Variants in KCNQ4 observed in about 807,000 individuals in gnomAD.
The protein encoded by KCNQ4 is potassium voltage-gated channel subfamily KQT member 4.
Under a neutral mutation model 72.6 loss-of-function variants are expected in KCNQ4, and 31 were observed. The observed-to-expected ratio is 0.43, with a 90% CI of 0.32 to 0.58. The LOEUF is 0.58. Ranked by LOEUF, KCNQ4 falls within the 20% of genes least tolerant of loss-of-function variation. The pLI is 0.08. For synonymous variants in KCNQ4, 405 were observed against 403.7 expected, an observed-to-expected ratio of 1.00 and a Z score of -0.04; for missense variants, 869 against 962.6, an observed-to-expected ratio of 0.90 and a Z score of 1.29.
intron 10 of KCNQ4, among the ~76,000 whole-genome samples, chr1:40,832,512 G>T (rs1051286427): frequency 6.6e-6 from 1 of 152,236 alleles, no homozygotes; most frequent in South Asian, 2.1e-4. Context: ...TAGCCTCAGA[G>T]AAGCTTCTCT....
At chr1:40,814,200 C>A (rs1185441420) in intron 1 of KCNQ4, among the ~76,000 whole-genome samples, 3 of 151,602 alleles carry the variant, frequency 2.0e-5, no homozygotes, top group Non-Finnish European at 4.4e-5. Context: ...ATTACAGGCG[C>A]CTACCAACAC....
Position 40,835,101 on chromosome 1 carries a change from G to T in KCNQ4, c.1745+3G>T. On this transcript the variant is annotated splice_donor_region_variant and intron_variant, in intron 12 of 13. Coordinates refer to ENST00000347132, the MANE Select transcript of KCNQ4 (RefSeq NM_004700.4). ...CGGATCAAGAGCCTGCAAACTCGGTGGGTGCACCGGGCCTGTTGGGAGGCA... is the reference window on the plus strand; with the variant it reads ...CGGATCAAGAGCCTGCAAACTCGGTTGGTGCACCGGGCCTGTTGGGAGGCA... 6.2e-7 allele frequency: 1 copy of T among 1,612,886 alleles called. No individual in the cohort carries two copies. Among genetic ancestry groups the T allele is most frequent in the Non-Finnish European group, 8.5e-7 (1 of 1,179,158 alleles).
Position 40,784,536 on chromosome 1 carries a change from A to G in KCNQ4, c.314+129A>G. The stretch of plus-strand genomic sequence containing the variant: ...GGCCGACCCTCATCTCTCTCCCCCC[A>G]GGCCTAAGCCCGGTTTCTGATCCCC... On this transcript the variant is annotated intron_variant, in intron 1 of 13. Coordinates refer to ENST00000347132, the MANE Select transcript of KCNQ4 (RefSeq NM_004700.4). This position sits in a 1 kb window ranked among gnomAD's most constrained non-coding sequence, Gnocchi z 4.1. The G allele has an allele frequency of 1.1e-6, 1 of 871,382 alleles. No individual in the cohort carries two copies. Among genetic ancestry groups the G allele is most frequent in the Non-Finnish European group, 1.9e-6 (1 of 538,940 alleles). The allele number at this position is 871,382 out of a possible 1,614,324, so 54.0% of individuals were successfully genotyped here. A position where few individuals can be genotyped will look rare whatever the true frequency, so the allele number is the denominator to read the frequency against.
At chr1:40,815,680 A>T (rs74071711) in intron 1 of KCNQ4, among the ~76,000 whole-genome samples, 1,976 of 152,122 alleles carry the variant, frequency 0.013, 41 homozygotes, top group African/African-American at 0.045. Context: ...ACCTTCTCAA[A>T]CCAGGGGTAT....
At chr1:40,835,701 G>A (rs565268580) in intron 12 of KCNQ4, among the ~76,000 whole-genome samples, 1 of 152,314 alleles carries the variant, frequency 6.6e-6, no homozygotes, top group African/African-American at 2.4e-5. Flanking sequence ...TCATTCTAGT[G>A]GAAGGAGAAT....
In KCNQ4 at chr1:40,799,442, T is replaced by C. The variant is rs200629096; in HGVS notation, c.314+15035T>C. ...AAATGTGTGGGCCATGCCCCCCCCC[T>C]CGCTAGGCAGTAAACACTGCCGTCG... is the stretch of plus-strand genomic sequence containing the variant. On this transcript the variant is annotated intron_variant, in intron 1 of 13. Transcript: ENST00000347132. Among the ~76,000 whole-genome samples, 36 of 132,042 alleles carry C rather than the reference T, an allele frequency of 2.7e-4. 1 individual carries two copies. Among genetic ancestry groups the C allele is most frequent in the African/African-American group, 1.1e-3 (36 of 33,308 alleles). The allele number at this position is 132,042 out of a possible 152,430, so 86.6% of individuals were successfully genotyped here. A position where few individuals can be genotyped will look rare whatever the true frequency, so the allele number is the denominator to read the frequency against.
At chr1:40,804,458 AC>A (rs1377015989) in intron 1 of KCNQ4, among the ~76,000 whole-genome samples, 1 of 152,072 alleles carries the variant, frequency 6.6e-6, no homozygotes, top group Non-Finnish European at 1.5e-5. Context: ...TCTCTAAGGG[AC>A]CTTTCAGTGC....
chr1:40,802,518 C>G (rs1647613100), intron 1 of KCNQ4, among the ~76,000 whole-genome samples: 1 of 152,102 alleles, frequency 6.6e-6, no homozygotes. Context: ...GAGCCCCGCC[C>G]ACCATTCCCC....
intron 1 of KCNQ4, among the ~76,000 whole-genome samples, chr1:40,793,768 C>T (rs561770117): frequency 1.3e-5 from 2 of 152,324 alleles, no homozygotes; most frequent in African/African-American, 4.8e-5. Flanking sequence ...CTCCCCTCTT[C>T]TGCCCACTGC....
intron 7 of KCNQ4, among the ~76,000 whole-genome samples, chr1:40,821,968 T>A (rs1194607908): frequency 6.6e-6 from 1 of 152,150 alleles, no homozygotes; most frequent in Non-Finnish European, 1.5e-5. Flanking sequence ...GTTTTACAGG[T>A]GAAGAAACTG....
Position 40,817,556 on chromosome 1 carries a change from G to A in KCNQ4, c.405+201G>A, listed in dbSNP as rs1648138360. Among the ~76,000 whole-genome samples the A allele has an allele frequency of 6.6e-6, 1 of 151,884 alleles. No homozygotes were observed. Among genetic ancestry groups the A allele is most frequent in the Non-Finnish European group, 1.5e-5 (1 of 67,988 alleles). On this transcript the variant is annotated intron_variant, in intron 2 of 13. Transcript: ENST00000347132. The surrounding 1 kb of genome is among the most constrained non-coding windows in gnomAD (Gnocchi z 5.5). ...TGTGAGGTGGCACCTCTGGGCTGAG[G>A]GCTGAAGGTGGAAAGAGGCTTCTCA...
intron 9 of KCNQ4, among the ~76,000 whole-genome samples, chr1:40,829,113 C>G (rs569084602): frequency 6.6e-6 from 1 of 152,374 alleles, no homozygotes; most frequent in African/African-American, 2.4e-5. Context: ...GCCATTGGAG[C>G]CTTATGTGGT....
chr1:40,799,248 G>A (rs1647504494), intron 1 of KCNQ4, among the ~76,000 whole-genome samples: 1 of 152,254 alleles, frequency 6.6e-6, no homozygotes, highest in African/African-American at 2.4e-5. Flanking sequence ...TGATGGAGGT[G>A]CAGTGCTACA....
chr1:40,808,933 T>C (rs890431041), intron 1 of KCNQ4, among the ~76,000 whole-genome samples: 3 of 152,212 alleles, frequency 2.0e-5, no homozygotes, highest in African/African-American at 7.2e-5. Flanking sequence ...CTACACTTAC[T>C]GTCTCTACCT....
intron 1 of KCNQ4, among the ~76,000 whole-genome samples, chr1:40,805,635 GA>G (rs10713781): frequency 0.39 from 58,845 of 151,540 alleles, 11,432 homozygotes; most frequent in Middle Eastern, 0.41. Flanking sequence ...TAAAGGTGGG[GA>G]GGGGAAAAGA....
chr1:40,797,840 G>C (rs555132533), intron 1 of KCNQ4, among the ~76,000 whole-genome samples: 1 of 152,164 alleles, frequency 6.6e-6, no homozygotes, highest in African/African-American at 2.4e-5. Context: ...GGCTTGGGGG[G>C]AGATGTGTGT....
intron 1 of KCNQ4, among the ~76,000 whole-genome samples, chr1:40,800,778 A>T (rs1265222669): frequency 6.6e-6 from 1 of 151,800 alleles, no homozygotes; most frequent in Non-Finnish European, 1.5e-5. Flanking sequence ...GGGTAGGAAC[A>T]CTCTCCCTCT....
chr1:40,812,323 C>T (rs1428442018), intron 1 of KCNQ4, among the ~76,000 whole-genome samples: 1 of 152,194 alleles, frequency 6.6e-6, no homozygotes, highest in Non-Finnish European at 1.5e-5. Context: ...GTGGCGAGAT[C>T]ACAGCTCACT....
rs201467006 is a variant in KCNQ4 at position 40,784,406 on chromosome 1, A to C, written c.313A>C (p.Ile105Leu). The change falls in exon 1 of 14, where the codon ATA (isoleucine) becomes CTA (leucine). Residue 105 changes from isoleucine (I) to leucine (L), a missense_variant and splice_region_variant. This residue lies in a region of KCNQ4 where 178 missense variants were observed against 145.3 expected (regional missense o/e 1.22). Transcript: ENST00000347132. This position sits in a 1 kb window ranked among gnomAD's most constrained non-coding sequence, Gnocchi z 4.1. ...RGWAFVYHVF[I>L]FLLVFSCLVL... The stretch of plus-strand genomic sequence containing the variant: ...CTGGGCCTTCGTCTACCACGTCTTC[A>C]TGTGAGTTTGCGACCCCGCGCCCTT... 6 of 1,607,612 alleles carry C rather than the reference A, an allele frequency of 3.7e-6. No individual in the cohort carries two copies. The highest frequency in any genetic ancestry group is 5.1e-6 in the Non-Finnish European group (6 of 1,178,576).
Sources: allele counts gnomAD v4.1 joint callset (sites outside exome capture counted in the v4.1 genomes callset), GRCh38; gene constraint gnomAD v4.1.1; regional missense constraint gnomAD v4.1.1; non-coding constraint Gnocchi (gnomAD v3.1); transcripts MANE v1.5; gene names NCBI Gene and HGNC (gene_info 2026-07-23, HGNC 2026-07-21).